The following PPP3CC variants were observed in gnomAD, a reference collection of about 807,000 sequenced individuals.
PPP3CC encodes the protein serine/threonine-protein phosphatase 2B catalytic subunit gamma isoform.
A neutral mutation model predicts 60.3 loss-of-function variants in PPP3CC; 35 were observed. The ratio of observed to expected loss-of-function variants is 0.58; its 90% confidence interval spans 0.44 to 0.77. The LOEUF is 0.77. Among genes scored for constraint, PPP3CC ranks in the 30% least tolerant of loss-of-function variants. PPP3CC has a pLI of 0.00. For synonymous variants in PPP3CC, 206 were observed against 224.3 expected (o/e 0.92, Z 0.73); for missense variants, 570 against 628.9 (o/e 0.91, Z 1.00).
chr8:22,455,084 G>A (rs1454147382), intron 1 of PPP3CC, among the ~76,000 whole-genome samples: 2 of 150,366 alleles, frequency 1.3e-5, no homozygotes, highest in African/African-American at 4.9e-5. Context: ...AGAAAGAAAG[G>A]ACTTAAACCT....
intron 3 of PPP3CC, among the ~76,000 whole-genome samples, chr8:22,477,272 T>C (rs1464696884): frequency 2.0e-5 from 3 of 151,786 alleles, no homozygotes; most frequent in Non-Finnish European, 2.9e-5. Context: ...AGGTCAGGAG[T>C]TCGAGACCAG....
chr8:22,489,619 A>G (rs1355256584), intron 3 of PPP3CC, among the ~76,000 whole-genome samples: 1 of 142,032 alleles, frequency 7.0e-6, no homozygotes, highest in East Asian at 2.0e-4. Flanking sequence ...AATATATAAT[A>G]TATAATAAGT....
At chr8:22,490,449 A>G (rs1394987292) in intron 3 of PPP3CC, among the ~76,000 whole-genome samples, 1 of 151,632 alleles carries the variant, frequency 6.6e-6, no homozygotes, top group African/African-American at 2.4e-5. Context: ...CACTTTTTTT[A>G]TATTTATATA....
intron 6 of PPP3CC, among the ~76,000 whole-genome samples, chr8:22,520,369 T>C (rs1448282969): frequency 6.6e-6 from 1 of 152,216 alleles, no homozygotes; most frequent in Non-Finnish European, 1.5e-5. Context: ...CTAGATTTGT[T>C]AAACTGTTAG....
intron 3 of PPP3CC, among the ~76,000 whole-genome samples, chr8:22,478,948 A>G (rs1030404213): frequency 1.3e-5 from 2 of 152,184 alleles, no homozygotes; most frequent in East Asian, 1.9e-4. Context: ...TTTTTCTGCA[A>G]TAACTTCAGA....
chr8:22,457,550 C>T (rs1033453505), intron 1 of PPP3CC, among the ~76,000 whole-genome samples: 3 of 151,362 alleles, frequency 2.0e-5, no homozygotes, highest in Non-Finnish European at 4.4e-5. Flanking sequence ...TCAAGCGATC[C>T]ATCTGCTTCA....
intron 1 of PPP3CC, among the ~76,000 whole-genome samples, chr8:22,466,186 A>C (rs941466806): frequency 2.6e-5 from 4 of 152,150 alleles, no homozygotes; most frequent in Non-Finnish European, 5.9e-5. Flanking sequence ...TTATGGCTGC[A>C]TAGTATTCCA....
At chr8:22,507,660 T>C (rs1838962849) in intron 4 of PPP3CC, among the ~76,000 whole-genome samples, 2 of 152,210 alleles carry the variant, frequency 1.3e-5, no homozygotes, top group Non-Finnish European at 2.9e-5. Flanking sequence ...TAACACAGTA[T>C]GTACTAAGTG....
At chr8:22,468,870 G>C (rs1346588037) in intron 1 of PPP3CC, among the ~76,000 whole-genome samples, 2 of 152,134 alleles carry the variant, frequency 1.3e-5, no homozygotes, top group African/African-American at 4.8e-5. Context: ...CCAGTAGGTG[G>C]AATCTATTTC....
chr8:22,539,474 G>T lies in PPP3CC; in HGVS notation c.1327G>T (p.Val443Leu). Residue 443 changes from valine (V) to leucine (L), a missense_variant, in exon 13 of 14, where the codon GTA (valine) becomes TTA (leucine). Transcript: ENST00000240139. Reference sequence around the variant, plus strand: ...CTGCTCCTGCCCTCTTACAGCCACAGTAGAAGCGGTAGAGGCCCGGGAAGG... The same window carrying T: ...CTGCTCCTGCCCTCTTACAGCCACATTAGAAGCGGTAGAGGCCCGGGAAGG... The part of the protein sequence containing the change: ...GGKQTIETAT[V>L]EAVEAREAIR... The T allele has an allele frequency of 6.2e-7, 1 of 1,614,054 alleles. No individual in the cohort carries two copies. The highest frequency in any genetic ancestry group is 1.3e-5 in the African/African-American group (1 of 75,038).
At chr8:22,538,023 G>T (rs1013157311) in intron 12 of PPP3CC, among the ~76,000 whole-genome samples, 4 of 152,186 alleles carry the variant, frequency 2.6e-5, no homozygotes, top group African/African-American at 9.6e-5. Flanking sequence ...CCATTGACTT[G>T]TATACTTTAA....
At chr8:22,461,918 C>T (rs1183234050) in intron 1 of PPP3CC, among the ~76,000 whole-genome samples, 1 of 152,068 alleles carries the variant, frequency 6.6e-6, no homozygotes, top group Non-Finnish European at 1.5e-5. Flanking sequence ...CTAGAACATA[C>T]GGGTATGAGT....
At chr8:22,514,839 C>G (rs910663502) in intron 6 of PPP3CC, among the ~76,000 whole-genome samples, 6 of 151,968 alleles carry the variant, frequency 3.9e-5, no homozygotes, top group Admixed American at 3.3e-4. Flanking sequence ...ACCACCATGC[C>G]TGGCTAATTT....
intron 8 of PPP3CC, 97 bp downstream of exon 8, chr8:22,522,846 C>T: frequency 1.1e-6 from 1 of 910,070 alleles, no homozygotes; most frequent in Non-Finnish European, 1.6e-6. Context: ...CATTTTAAAA[C>T]ATAAATTTTA....
At chr8:22,477,287 G>C (rs1327837276) in intron 3 of PPP3CC, among the ~76,000 whole-genome samples, 1 of 152,104 alleles carries the variant, frequency 6.6e-6, no homozygotes, top group African/African-American at 2.4e-5. Flanking sequence ...GACCAGCCTG[G>C]CCAACATGGT....
chr8:22,533,683 G>A (rs1839776383), intron 12 of PPP3CC, among the ~76,000 whole-genome samples: 1 of 151,998 alleles, frequency 6.6e-6, no homozygotes, highest in African/African-American at 2.4e-5. Flanking sequence ...AAATTAGCCA[G>A]GTGTGGTGGT....
chr8:22,525,492 T>G (rs1459573246), intron 8 of PPP3CC, among the ~76,000 whole-genome samples: 2 of 51,722 alleles, frequency 3.9e-5, no homozygotes, highest in Non-Finnish European at 8.0e-5. Flanking sequence ...CTTCCTTTTC[T>G]TCTTTCTTTC....
At chr8:22,500,683 C>T (rs1057301158) in intron 4 of PPP3CC, among the ~76,000 whole-genome samples, 19 of 152,222 alleles carry the variant, frequency 1.2e-4, no homozygotes, top group African/African-American at 4.6e-4. Context: ...AAGAAAAGGT[C>T]TTTGTTATTA....
chr8:22,473,031 C>T (rs919153300), intron 1 of PPP3CC, among the ~76,000 whole-genome samples: 3 of 152,114 alleles, frequency 2.0e-5, no homozygotes, highest in Non-Finnish European at 4.4e-5. Context: ...TAGCTGCTAT[C>T]GTTTTTTCAG....
Sources: allele counts gnomAD v4.1 joint callset (sites outside exome capture counted in the v4.1 genomes callset), GRCh38; gene constraint gnomAD v4.1.1; transcripts MANE v1.5; gene names NCBI Gene and HGNC (gene_info 2026-07-23, HGNC 2026-07-21).